Variants in SFI1 observed in about 807,000 individuals in gnomAD.
The protein encoded by SFI1 is SFI1 centrin binding protein.
In SFI1, 195 loss-of-function variants were observed where a neutral mutation model predicts 207.5. The ratio of observed to expected loss-of-function variants is 0.94; its 90% CI spans 0.84 to 1.06. The LOEUF (loss-of-function observed/expected upper bound fraction) is 1.06. Among genes scored for constraint, SFI1 ranks in the 50% least tolerant of loss-of-function variants. The pLI is 0.00. For missense variants in SFI1, 1,634 were observed against 1,588.0 expected (o/e 1.03, Z -0.49); for synonymous variants, 630 against 598.9 (o/e 1.05, Z -0.76).
intron 1 of SFI1, among the ~76,000 whole-genome samples, chr22:31,505,085 T>C (rs574845330): frequency 2.0e-5 from 3 of 152,248 alleles, no homozygotes; most frequent in South Asian, 2.1e-4. Flanking sequence ...TTTAAAAAAC[T>C]ATGCCATAAT....
At chr22:31,510,463 C>T (rs1245442273) in intron 2 of SFI1, among the ~76,000 whole-genome samples, 1 of 152,006 alleles carries the variant, frequency 6.6e-6, no homozygotes, top group Non-Finnish European at 1.5e-5. Context: ...GATGGAGTCT[C>T]ACTCTTGTCA....
At chr22:31,519,668 C>T (rs528568181) in intron 2 of SFI1, among the ~76,000 whole-genome samples, 2 of 152,142 alleles carry the variant, frequency 1.3e-5, no homozygotes, top group East Asian at 1.9e-4. Flanking sequence ...CAACTCCTGA[C>T]TTCAGGTGAT....
At chr22:31,512,213 G>T (rs1414870032) in intron 2 of SFI1, among the ~76,000 whole-genome samples, 1 of 151,766 alleles carries the variant, frequency 6.6e-6, no homozygotes, top group Non-Finnish European at 1.5e-5. Flanking sequence ...AAATTAGCCG[G>T]GTGTGGTGGC....
chr22:31,583,169 A>C (rs898813933), intron 12 of SFI1, among the ~76,000 whole-genome samples: 1 of 152,156 alleles, frequency 6.6e-6, no homozygotes, highest in African/African-American at 2.4e-5. Context: ...GCTGGAGTGC[A>C]ATGGTGCCAT....
In SFI1 at chr22:31,614,866, T is replaced by C. The variant is rs1393075897; in HGVS notation, c.3068+6T>C. The C allele has an allele frequency of 6.2e-7, 1 of 1,613,470 alleles. No homozygotes were observed. The highest frequency in any genetic ancestry group is 1.7e-5 in the Admixed American group (1 of 59,978). ...GAGCCTGCGCAGAGCCAGAGGTCCC[T>C]GGGGTGCAGCACCGTGGGCAGGCAG... On this transcript the variant is annotated splice_donor_region_variant and intron_variant, in intron 28 of 32. Transcript: ENST00000400288.
chr22:31,568,552 A>G (rs898264030), intron 8 of SFI1, among the ~76,000 whole-genome samples: 6 of 150,990 alleles, frequency 4.0e-5, no homozygotes, highest in African/African-American at 1.2e-4. Context: ...AAAAAAAAAA[A>G]AAAAGCATTA....
chr22:31,606,956 C>G (rs1286013913), intron 21 of SFI1, among the ~76,000 whole-genome samples: 1 of 152,006 alleles, frequency 6.6e-6, no homozygotes, highest in Non-Finnish European at 1.5e-5. Context: ...CCTCAGCCTC[C>G]CAAAGTGCTG....
rs947331600 is a variant in SFI1 at position 31,559,800 on chromosome 22, T to A, written c.663-1490T>A. ...CTAGCCAGTGGTCTGGACAAGAAGC[T>A]CCGTGCAGATGTGGAGCGACTGAAG... On this transcript the variant is annotated intron_variant, in intron 7 of 32. Transcript: ENST00000400288. 5.6e-6 allele frequency: 4 copies of A among 717,094 alleles called. No individual in the cohort carries two copies. In the Admixed American group the frequency reaches 7.1e-5, roughly 13 times the overall value. The allele number at this position is 717,094 out of a possible 1,614,324, so 44.4% of individuals were successfully genotyped here.
chr22:31,519,867 G>A (rs2057001378), intron 2 of SFI1, among the ~76,000 whole-genome samples: 1 of 151,968 alleles, frequency 6.6e-6, no homozygotes, highest in Non-Finnish European at 1.5e-5. Flanking sequence ...TCACTGCCTG[G>A]CCAAAAGTTT....
intron 2 of SFI1, among the ~76,000 whole-genome samples, chr22:31,514,275 G>A (rs976525979): frequency 2.0e-5 from 3 of 151,870 alleles, no homozygotes; most frequent in African/African-American, 7.3e-5. Flanking sequence ...GGAGGCCAAG[G>A]CAGTCGGATC....
chr22:31,521,738 C>T (rs1399833472), intron 2 of SFI1: 1 of 151,926 alleles, frequency 6.6e-6, no homozygotes, highest in African/African-American at 2.4e-5. Flanking sequence ...GTATACATAA[C>T]AAAAAACTTA....
intron 15 of SFI1, among the ~76,000 whole-genome samples, chr22:31,601,275 C>G (rs1342797770): frequency 6.6e-6 from 1 of 151,944 alleles, no homozygotes; most frequent in African/African-American, 2.4e-5. Context: ...AGGCGCCCAC[C>G]ACCAGGCCCA....
chr22:31,593,970 C>G (rs745544873), intron 15 of SFI1, among the ~76,000 whole-genome samples: 2 of 95,742 alleles, frequency 2.1e-5, no homozygotes, highest in Non-Finnish European at 4.0e-5. Context: ...GAGAGGGAGA[C>G]CATGGGGAGA....
chr22:31,614,398 G>A (rs1201725724), intron 27 of SFI1: 2 of 392,558 alleles, frequency 5.1e-6, no homozygotes, highest in East Asian at 6.4e-5. Flanking sequence ...AGAGCCTTGG[G>A]CCTCGGGGGA....
rs147667876 is a variant in SFI1, at chr22:31,583,515, T to C, written c.1249-360T>C. Among the ~76,000 whole-genome samples, 326 of 152,386 alleles carry C rather than the reference T, an allele frequency of 2.1e-3. 3 individuals are homozygous for C. Among genetic ancestry groups the C allele is most frequent in the East Asian group, 9.2e-3 (48 of 5,196 alleles). On this transcript the variant is annotated intron_variant, in intron 12 of 32. Coordinates refer to ENST00000400288, the MANE Select transcript of SFI1 (RefSeq NM_001007467.3). ...ACATGGTTCCTATAATCGTTACATC[T>C]GAGGGCTTGTTTAGATTGAAGTTAA... is the stretch of plus-strand genomic sequence containing the variant.
rs1214701649 is a variant in SFI1 at position 31,590,828 on chromosome 22, T to G, written c.1544+1251T>G. Among the ~76,000 whole-genome samples the G allele has an allele frequency of 2.0e-5, 3 of 149,066 alleles. No homozygotes were observed. The South Asian group carries it at 6.3e-4, about 31-fold the overall frequency. On this transcript the variant is annotated intron_variant, in intron 15 of 32. Coordinates refer to ENST00000400288, the MANE Select transcript of SFI1 (RefSeq NM_001007467.3). The stretch of plus-strand genomic sequence containing the variant: ...AGCGTTTCAAGTTTTTAAGAGAATG[T>G]GTCCATTTCCCCTTCTCTTTTTATT...
intron 5 of SFI1, among the ~76,000 whole-genome samples, chr22:31,547,978 G>T (rs558832256): frequency 1.6e-4 from 24 of 151,170 alleles, no homozygotes; most frequent in African/African-American, 5.3e-4. Flanking sequence ...ACTTTGGGAG[G>T]CCGAGATGGG....
intron 15 of SFI1, among the ~76,000 whole-genome samples, chr22:31,593,043 C>A (rs2066342956): frequency 1.4e-5 from 2 of 139,062 alleles, no homozygotes; most frequent in Admixed American, 6.8e-5. Context: ...GCTGACCCCC[C>A]CACCTCCCTC....
intron 20 of SFI1, chr22:31,605,609 C>G (rs899624977): frequency 6.6e-6 from 1 of 152,662 alleles, no homozygotes; most frequent in Non-Finnish European, 1.5e-5. Context: ...TGCCTGTAAT[C>G]CCAGCACTTT....
Sources: gnomAD v4.1 joint callset for allele counts (sites outside exome capture counted in the v4.1 genomes callset) on GRCh38, gnomAD v4.1.1 for gene constraint, MANE v1.5 for transcripts, NCBI Gene and HGNC (gene_info 2026-07-23, HGNC 2026-07-21) for gene names.